VIPAS39: variants seen among roughly 807,000 people sequenced by gnomAD.
VIPAS39 encodes spermatogenesis-defective protein 39 homolog.
Under a neutral mutation model 84.7 loss-of-function variants are expected in VIPAS39, and 63 were observed. The ratio of observed to expected loss-of-function variants is 0.74; its 90% CI spans 0.61 to 0.92. VIPAS39 has a LOEUF of 0.92. Ranked by LOEUF, VIPAS39 falls within the 40% of genes least tolerant of loss-of-function variation. The pLI is 0.00. For missense variants in VIPAS39, 499 were observed against 604.5 expected (o/e 0.83, Z 1.83); for synonymous variants, 192 against 216.5 (o/e 0.89, Z 0.99).
chr14:77,443,007 G>A, intron 9 of VIPAS39, 112 bp downstream of exon 9: 1 of 1,446,848 alleles, frequency 6.9e-7, no homozygotes, highest in South Asian at 1.2e-5. Context: ...CACCCCACTT[G>A]TCTCTGAAAT....
rs1423368398 is a variant in VIPAS39 at position 77,449,282 on chromosome 14, C to T, written c.447+11G>A. 5.0e-6 allele frequency: 8 copies of T among 1,613,182 alleles called. No homozygotes were observed. The highest frequency in any genetic ancestry group is 3.3e-5 in the South Asian group (3 of 91,064). On this transcript the variant is annotated intron_variant, in intron 6 of 19. Transcript: ENST00000557658. ...GTGGAAAGTGTCACACCAGTGTATG[C>T]TGTAACTCACCCTATACTCCCCTTT...
intron 7 of VIPAS39, among the ~76,000 whole-genome samples, chr14:77,447,185 C>T (rs138944625): frequency 0.029 from 4,470 of 151,968 alleles, 215 homozygotes; most frequent in African/African-American, 0.1. Context: ...GCCACCACGC[C>T]CAGCTAATTT....
rs1566737271 is a variant in VIPAS39, at chr14:77,449,750, T to C, written c.346A>G (p.Arg116Gly). Residue 116 changes from arginine (R) to glycine (G), a missense_variant and splice_region_variant, in exon 5 of 20, where the codon AGA (arginine) becomes GGA (glycine). By Grantham distance (125) the Arg-to-Gly change is moderately radical. Transcript: ENST00000557658. ...GACTGGAAACTTCCAGGTCTAGTTC[T>C]ACCTAAAGGTAAAGAACACAAGAGG... is the stretch of plus-strand genomic sequence containing the variant. ...TYSLSSFFRG[R>G]TRPGSFQSLS... The C allele has an allele frequency of 6.2e-7, 1 of 1,614,138 alleles. No individual in the cohort carries two copies. Among genetic ancestry groups the C allele is most frequent in the African/African-American group, 1.3e-5 (1 of 75,040 alleles).
At chr14:77,428,000 A>G (rs1429991015) in intron 19 of VIPAS39, among the ~76,000 whole-genome samples, 1 of 152,048 alleles carries the variant, frequency 6.6e-6, no homozygotes, top group Non-Finnish European at 1.5e-5. Context: ...TATTTCACCC[A>G]CTTCTTATTT....
intron 9 of VIPAS39, 115 bp downstream of exon 9, chr14:77,443,004 C>T (rs1236966569): frequency 7.0e-7 from 1 of 1,437,200 alleles, no homozygotes; most frequent in African/African-American, 1.4e-5. Flanking sequence ...GGCCACCCCA[C>T]TTGTCTCTGA....
intron 3 of VIPAS39, 120 bp downstream of exon 3, chr14:77,453,179 C>T (rs2078908954): frequency 2.8e-6 from 3 of 1,063,236 alleles, no homozygotes; most frequent in Non-Finnish European, 4.4e-6. Flanking sequence ...GTATGCTTAT[C>T]TGAAAATAGT....
chr14:77,456,970 T>C, intron 1 of VIPAS39: 1 of 711,602 alleles, frequency 1.4e-6, no homozygotes, highest in South Asian at 2.9e-5. Flanking sequence ...TCTTGTTTAC[T>C]GACAGCCCAC....
rs1352571234 is a variant in VIPAS39 at position 77,457,595 on chromosome 14, A to C, written c.-101T>G. 2 of 570,454 alleles carry C rather than the reference A, an allele frequency of 3.5e-6. No individual in the cohort carries two copies. Among genetic ancestry groups the C allele is most frequent in the African/African-American group, 3.8e-5 (2 of 53,318 alleles). 35.3% of individuals were successfully genotyped at this position (570,454 alleles called of 1,614,324 possible). A position where few individuals can be genotyped will look rare whatever the true frequency, so the allele number is the denominator to read the frequency against. On this transcript the variant is annotated 5_prime_UTR_variant, in exon 1 of 20. Transcript: ENST00000557658. ...TGTGCAGCTTAGAGAAGGGGGCGGA[A>C]GGGAATAATCGTAGGGCGGAGAGAA...
At chr14:77,448,359 T>C in intron 7 of VIPAS39, 135 bp downstream of exon 7, 1 of 965,218 alleles carries the variant, frequency 1.0e-6, no homozygotes, top group Non-Finnish European at 1.7e-6. Context: ...GCCACTGACT[T>C]TCAACCTTAG....
Position 77,435,301 on chromosome 14 carries a change from T to A in VIPAS39, c.1005A>T (p.Thr335=), listed in dbSNP as rs765454382. The A allele has an allele frequency of 2.5e-6, 4 of 1,613,904 alleles. No homozygotes were observed. In the African/African-American group the frequency reaches 5.3e-5, roughly 22 times the overall value. The stretch of plus-strand genomic sequence containing the variant: ...GATAGAAGCAGGAGTAGAAAAGTGT[T>A]GTCACTAGTGGCATGTTGAGGATGG... ...KASILNMPLV[T]TLFYSCFYHY... The change falls in exon 14 of 20, where the codon ACA becomes ACT. Residue 335 remains threonine, a synonymous_variant. Transcript: ENST00000557658.
Position 77,451,270 on chromosome 14 carries a change from T to G in VIPAS39, c.260A>C (p.Gln87Pro), listed in dbSNP as rs750380022. The stretch of plus-strand genomic sequence containing the variant: ...GGAGAAGCTGTTTCGGCTCTTTAGC[T>G]GTTCACGCCCCTCGTGGGTTGAGCC... ...NSGSTHEGRE[Q>P]LKSRNSFSSY... Residue 87 changes from glutamine to proline, a missense_variant, in exon 4 of 20, where the codon CAG becomes CCG. Gln to Pro is a moderately conservative substitution (Grantham distance 76, BLOSUM62 -1). Transcript: ENST00000557658. 6.2e-7 allele frequency: 1 copy of G among 1,614,242 alleles called. No homozygotes were observed. The highest frequency in any genetic ancestry group is 8.5e-7 in the Non-Finnish European group (1 of 1,180,042).
intron 1 of VIPAS39, 43 bp downstream of exon 1, chr14:77,457,452 A>G (rs1349638458): frequency 6.0e-6 from 9 of 1,505,382 alleles, no homozygotes; most frequent in Non-Finnish European, 8.0e-6. Flanking sequence ...GAGAGGCTGG[A>G]TCCAGCCAGA....
At chr14:77,448,420 G>A (rs2078830560) in intron 7 of VIPAS39, 74 bp downstream of exon 7, 1 of 1,385,130 alleles carries the variant, frequency 7.2e-7, no homozygotes, top group East Asian at 2.3e-5. Context: ...ACTGAAGAGA[G>A]GTCAAGAAAT....
At chr14:77,447,965 C>CTTTTTTTTTTTTT (rs1301071234) in intron 7 of VIPAS39, among the ~76,000 whole-genome samples, 2,755 of 138,540 alleles carry the variant, frequency 0.02, 101 homozygotes, top group African/African-American at 0.071. Context: ...CCCGGCTTCT[C>CTTTTTTTTTTTTT]TTTTTTTTTT....
At chr14:77,457,431 A>T in intron 1 of VIPAS39, 64 bp downstream of exon 1, 2 of 1,530,974 alleles carry the variant, frequency 1.3e-6, no homozygotes, top group Non-Finnish European at 1.7e-6. Flanking sequence ...AGGGGAAAAG[A>T]TCAAGATGCG....
chr14:77,430,852 G>C (rs1369539550), intron 16 of VIPAS39, among the ~76,000 whole-genome samples: 1 of 152,086 alleles, frequency 6.6e-6, no homozygotes, highest in Non-Finnish European at 1.5e-5. Flanking sequence ...ATAGACCAGT[G>C]GAATAGAATA....
rs140666208 is a variant in VIPAS39, at chr14:77,444,596, G to A, written c.505-255C>T. 6.7e-3 allele frequency among the ~76,000 whole-genome samples: 1,015 copies of A among 152,226 alleles called. 13 individuals are homozygous for A. The highest frequency in any genetic ancestry group is 0.023 in the African/African-American group (935 of 41,538). ...AGAAATCACTTGTTCTTTTTGAGAC[G>A]GAGTCTTGCTCTGTCACCCAGGCTG... On this transcript the variant is annotated intron_variant, in intron 7 of 19. Transcript: ENST00000557658.
In VIPAS39 at chr14:77,442,554, TC is replaced by T; in HGVS notation, c.734+5del. On this transcript the variant is annotated splice_donor_5th_base_variant and intron_variant, in intron 10 of 19. Transcript: ENST00000557658. The stretch of plus-strand genomic sequence containing the variant: ...AAACTTTATAGACCAGATGATCAGT[TC>T]TTACCTGAAGAGGTCTAAAAGCAAC... 1 of 1,610,626 alleles carries T rather than the reference TC, an allele frequency of 6.2e-7. No individual in the cohort carries two copies.
intron 11 of VIPAS39, among the ~76,000 whole-genome samples, chr14:77,438,087 C>T (rs2078643103): frequency 6.6e-6 from 1 of 152,142 alleles, no homozygotes; most frequent in South Asian, 2.1e-4. Context: ...ATACAATAGC[C>T]ACTAGCTACA....
Sources: gnomAD v4.1 joint callset for allele counts (sites outside exome capture counted in the v4.1 genomes callset) on GRCh38, gnomAD v4.1.1 for gene constraint, MANE v1.5 for transcripts, NCBI Gene and HGNC (gene_info 2026-07-23, HGNC 2026-07-21) for gene names.